MIER2: variants seen among roughly 807,000 people sequenced by gnomAD.
The protein encoded by MIER2 is MIER family member 2.
MIER2 carries 30 observed loss-of-function variants against 67.6 expected under a neutral mutation model. The observed-to-expected ratio is 0.44, with a 90% confidence interval of 0.33 to 0.60. The LOEUF is 0.60. MIER2 is among the 20% of genes least tolerant of loss of function. The pLI is 0.02. For synonymous variants in MIER2, 372 were observed against 312.6 expected, an observed-to-expected ratio of 1.19 and a Z score of -2.00; for missense variants, 702 against 745.1, an observed-to-expected ratio of 0.94 and a Z score of 0.67.
intron 7 of MIER2, among the ~76,000 whole-genome samples, chr19:318,855 G>C (rs1971373172): frequency 6.6e-6 from 1 of 152,090 alleles, no homozygotes; most frequent in Non-Finnish European, 1.5e-5. Flanking sequence ...AGGAGATCCA[G>C]ACCATCCTGG....
chr19:308,813 G>A lies in MIER2; in HGVS notation c.1097C>T (p.Pro366Leu), dbSNP rs200376177. The change falls in exon 11 of 14, where the codon CCG becomes CTG. Residue 366 changes from proline (P) to leucine (L), a missense_variant. Coordinates refer to ENST00000264819, the MANE Select transcript of MIER2 (RefSeq NM_017550.3). This position sits in a 1 kb window ranked among gnomAD's most constrained non-coding sequence, Gnocchi z 9.1. ...QTRLGRRKYV[P>L]SGTTDADQDL... ...GGGCTGCACGCACGTGGTTCCGGAC[G>A]GGACGTACTTCCTCCGGCCCAGCCG... 4.2e-4 allele frequency: 668 copies of A among 1,605,760 alleles called. 1 individual carries two copies. Among genetic ancestry groups the A allele is most frequent in the Non-Finnish European group, 4.7e-4 (555 of 1,173,836 alleles).
chr19:328,004 G>T lies in MIER2; in HGVS notation c.244-15C>A, dbSNP rs375659014. The T allele has an allele frequency of 9.1e-5, 146 of 1,612,440 alleles. No homozygotes were observed. The highest frequency in any genetic ancestry group is 1.2e-4 in the Non-Finnish European group (136 of 1,179,410). ...ATGTCGTTGCTCTGAGTTGGGGAAG[G>T]GAACAAGGCCCCATCAGGAGGGACG... On this transcript the variant is annotated splice_polypyrimidine_tract_variant and intron_variant, in intron 3 of 13. Coordinates refer to ENST00000264819, the MANE Select transcript of MIER2 (RefSeq NM_017550.3).
In MIER2 at chr19:341,439, G is replaced by T. The variant is rs1038321178; in HGVS notation, c.9+3335C>A. On this transcript the variant is annotated intron_variant, in intron 1 of 13. Coordinates refer to ENST00000264819, the MANE Select transcript of MIER2 (RefSeq NM_017550.3). ...AAGGCAGAGGGGGGCAAAGAGGGAA[G>T]CGGCTGGGAACGGCAGAAAGGGCCG... Among the ~76,000 whole-genome samples the T allele has an allele frequency of 3.9e-5, 6 of 152,304 alleles. No individual in the cohort carries two copies. The South Asian group carries it at 1.2e-3, about 32-fold the overall frequency.
rs1253394285 is a variant in MIER2, at chr19:311,852, G to A, written c.977C>T (p.Ala326Val). The A allele has an allele frequency of 3.7e-6, 6 of 1,614,042 alleles. No individual in the cohort carries two copies. Among genetic ancestry groups the A allele is most frequent in the Non-Finnish European group, 5.1e-6 (6 of 1,179,924 alleles). Residue 326 changes from alanine (A) to valine (V), a missense_variant, in exon 10 of 14, where the codon GCC becomes GTC. Ala to Val is a moderately conservative substitution (Grantham distance 64). Transcript: ENST00000264819. ...TGGCAGTGGAGTCCGCACCTTGTTG[G>A]CCTGGATCAGGTGAAAGTTCTTTCC... ...VHGKNFHLIQ[A>V]NKVRTRSVGE... is the part of the protein sequence containing the mutation.
chr19:306,654 C>T lies in MIER2; in HGVS notation c.*36G>A, dbSNP rs1040048806. 3.2e-6 allele frequency: 5 copies of T among 1,551,616 alleles called. No individual in the cohort carries two copies. In the African/African-American group the frequency reaches 5.5e-5, roughly 17 times the overall value. ...GGCGGGCCCAGCGGCAGCGCTAAGT[C>T]CAGTCTGGGCCGCATACGCCGCCCG... On this transcript the variant is annotated 3_prime_UTR_variant, in exon 14 of 14. Transcript: ENST00000264819.
intron 7 of MIER2, among the ~76,000 whole-genome samples, chr19:324,783 G>A (rs1055631132): frequency 2.0e-5 from 3 of 152,232 alleles, no homozygotes; most frequent in African/African-American, 4.8e-5. Context: ...CTCATGGGGG[G>A]TGAGTCAGGG....
At chr19:319,234 C>T (rs1411019579) in intron 7 of MIER2, among the ~76,000 whole-genome samples, 5 of 151,702 alleles carry the variant, frequency 3.3e-5, no homozygotes, top group African/African-American at 9.7e-5. Flanking sequence ...TGGTGGCGGG[C>T]GCCTGTAGTC....
At chr19:320,873 C>G (rs965268844) in intron 7 of MIER2, among the ~76,000 whole-genome samples, 1 of 152,216 alleles carries the variant, frequency 6.6e-6, no homozygotes, top group Non-Finnish European at 1.5e-5. Flanking sequence ...CCAGAGCTTG[C>G]GCCTGAGTGG....
At chr19:333,959 T>C (rs944812456) in intron 3 of MIER2, among the ~76,000 whole-genome samples, 3 of 152,188 alleles carry the variant, frequency 2.0e-5, no homozygotes, top group Non-Finnish European at 2.9e-5. Context: ...CCCAAAGTGC[T>C]GGGATTACAG....
At chr19:319,442 T>C (rs1326532253) in intron 7 of MIER2, among the ~76,000 whole-genome samples, 1 of 151,992 alleles carries the variant, frequency 6.6e-6, no homozygotes, top group Non-Finnish European at 1.5e-5. Context: ...TTGTAAAGAG[T>C]AATACAATTG....
chr19:311,416 T>C (rs1243726060), intron 10 of MIER2, among the ~76,000 whole-genome samples: 1 of 152,108 alleles, frequency 6.6e-6, no homozygotes, highest in Non-Finnish European at 1.5e-5. Context: ...TCATGAGGGT[T>C]TGTCCCGGGT....
At chr19:344,514 C>CCCGCCCCGCG (rs1972652316) in intron 1 of MIER2, 1 of 403,680 alleles carries the variant, frequency 2.5e-6, no homozygotes, top group Non-Finnish European at 3.3e-6. Flanking sequence ...CCGGCCCCCG[C>CCCGCCCCGCG]CCGCCCCGCG....
intron 10 of MIER2, 92 bp downstream of exon 10, chr19:311,745 GCTCCAGGC>G: frequency 2.6e-6 from 3 of 1,137,326 alleles, no homozygotes; most frequent in Non-Finnish European, 3.9e-6. Context: ...AGGACACGGG[GCTCCAGGC>G]CTCCAGTCGG....
At chr19:321,045 C>T (rs1971482313) in intron 7 of MIER2, among the ~76,000 whole-genome samples, 1 of 152,214 alleles carries the variant, frequency 6.6e-6, no homozygotes, top group South Asian at 2.1e-4. Flanking sequence ...GCAGGAAAGG[C>T]ACGTGCTCAC....
chr19:320,309 A>G (rs954370273), intron 7 of MIER2, among the ~76,000 whole-genome samples: 3 of 152,052 alleles, frequency 2.0e-5, no homozygotes, highest in African/African-American at 7.2e-5. Flanking sequence ...TGAGCCCGGG[A>G]GCAGAGGTTG....
intron 5 of MIER2, chr19:326,887 T>A: frequency 1.7e-6 from 1 of 592,764 alleles, no homozygotes; most frequent in Non-Finnish European, 2.9e-6. Context: ...ATGCTGTCCC[T>A]GGATCTGCTA....
intron 7 of MIER2, among the ~76,000 whole-genome samples, chr19:324,067 A>G (rs1481748818): frequency 2.6e-5 from 3 of 115,592 alleles, no homozygotes; most frequent in African/African-American, 1.2e-4. Flanking sequence ...TACACAAGAC[A>G]CACACAACCA....
chr19:315,226 G>A (rs569372740), intron 7 of MIER2, among the ~76,000 whole-genome samples: 5 of 152,222 alleles, frequency 3.3e-5, no homozygotes, highest in East Asian at 3.9e-4. Flanking sequence ...TTAGCCGGGC[G>A]TGGTCATGGG....
intron 1 of MIER2, among the ~76,000 whole-genome samples, chr19:343,303 T>C (rs1471447803): frequency 1.3e-5 from 2 of 152,200 alleles, no homozygotes; most frequent in African/African-American, 2.4e-5. Context: ...CCACGTGTGT[T>C]GCCCAGATTC....
Sources: allele counts gnomAD v4.1 joint callset (sites outside exome capture counted in the v4.1 genomes callset), GRCh38; gene constraint gnomAD v4.1.1; non-coding constraint Gnocchi (gnomAD v3.1); transcripts MANE v1.5; gene names NCBI Gene and HGNC (gene_info 2026-07-23, HGNC 2026-07-21).